CRYBG3: variants seen among roughly 807,000 people sequenced by gnomAD.
The protein encoded by CRYBG3 is crystallin beta-gamma domain containing 3.
CRYBG3 carries 127 observed loss-of-function variants against 244.2 expected under a neutral mutation model. That is an observed-to-expected ratio of 0.52 (90% CI 0.45 to 0.60). The LOEUF (loss-of-function observed/expected upper bound fraction) is 0.60. Among genes scored for constraint, CRYBG3 ranks in the 20% least tolerant of loss-of-function variants. CRYBG3 has a pLI of 0.00. For synonymous variants in CRYBG3, 1,132 were observed against 1,195.8 expected, an observed-to-expected ratio of 0.95 and a Z score of 1.10; for missense variants, 3,325 against 3,442.5, an observed-to-expected ratio of 0.97 and a Z score of 0.85.
At position 97,822,323 on chromosome 3, in the gene CRYBG3, C is replaced by T. The variant is rs1426687906; in HGVS notation, c.117C>T (p.Ser39=). 1.3e-6 allele frequency: 2 copies of T among 1,513,302 alleles called. No individual in the cohort carries two copies. 93.7% of individuals were successfully genotyped at this position (1,513,302 alleles called of 1,614,324 possible). A position where few individuals can be genotyped will look rare whatever the true frequency, so the allele number is the denominator to read the frequency against. The change falls in exon 1 of 22, where the codon AGC becomes AGT. Residue 39 remains serine, a synonymous_variant. Coordinates refer to ENST00000389622, the MANE Select transcript of CRYBG3 (RefSeq NM_153605.4). ...AAGAGGAGGAGAGGCCGGGGACGAG[C>T]CCGCCTCCAGCTCCAGGCCGGTCCG... ...EEEEEERPGT[S]PPPAPGRSAA... is the part of the protein sequence containing the mutation.
Position 97,875,987 on chromosome 3 carries a change from A to G in CRYBG3, c.4793A>G (p.Tyr1598Cys). The G allele has an allele frequency of 8.1e-7, 1 of 1,232,112 alleles. No individual in the cohort carries two copies. Among genetic ancestry groups the G allele is most frequent in the Non-Finnish European group, 1.0e-6 (1 of 987,942 alleles). The allele number at this position is 1,232,112 out of a possible 1,614,324, so 76.3% of individuals were successfully genotyped here. The change falls in exon 4 of 22, where the codon TAC (tyrosine) becomes TGC (cysteine). Residue 1598 changes from tyrosine to cysteine, a missense_variant. Tyr to Cys is a radical substitution (Grantham distance 194). This residue lies in a region of CRYBG3 where 635 missense variants were observed against 771.7 expected (regional missense o/e 0.82). Coordinates refer to ENST00000389622, the MANE Select transcript of CRYBG3 (RefSeq NM_153605.4). ...KANVFKMGEV[Y>C]QMDAESCIEK... ...AATGTTTTTAAAATGGGAGAAGTAT[A>G]CCAAATGGATGCCGAGAGCTGTATT...
intron 2 of CRYBG3, among the ~76,000 whole-genome samples, chr3:97,852,841 T>A (rs1433248699): frequency 6.6e-6 from 1 of 152,184 alleles, no homozygotes; most frequent in Non-Finnish European, 1.5e-5. Context: ...CAGCATTTGT[T>A]ACTTTTTGTC....
chr3:97,893,048 C>CA, intron 11 of CRYBG3, 55 bp downstream of exon 11: 1 of 1,469,082 alleles, frequency 6.8e-7, no homozygotes, highest in Non-Finnish European at 9.2e-7. Flanking sequence ...AAGGTCAGCA[C>CA]AAAAATGTGC....
At position 97,875,238 on chromosome 3, in the gene CRYBG3, T is replaced by C. The variant is rs1299083669; in HGVS notation, c.4044T>C (p.Ser1348=). Residue 1348 remains serine (S), a synonymous_variant, in exon 4 of 22, where the codon AGT becomes AGC. Transcript: ENST00000389622. ...CTTCAAAAATTCTGAACAGTGATAG[T>C]GTTAAGCCACATGATGTAGTTAGAG... is the stretch of plus-strand genomic sequence containing the variant. ...ANTSKILNSD[S]VKPHDVVREF... The C allele has an allele frequency of 6.6e-7, 1 of 1,521,118 alleles. No homozygotes were observed. Among genetic ancestry groups the C allele is most frequent in the East Asian group, 2.4e-5 (1 of 40,832 alleles). The allele number at this position is 1,521,118 out of a possible 1,614,324, so 94.2% of individuals were successfully genotyped here. A position where few individuals can be genotyped will look rare whatever the true frequency, so the allele number is the denominator to read the frequency against.
At position 97,872,856 on chromosome 3, in the gene CRYBG3, A is replaced by G. The variant is rs1246115187; in HGVS notation, c.1662A>G (p.Ser554=). The part of the protein sequence containing the change: ...HVKAPEDKIE[S]LPKDTDQYFE... ...AAGCTCCAGAAGATAAAATTGAGTCATTACCCAAAGATACTGACCAATACT... is the reference window on the plus strand; with the variant it reads ...AAGCTCCAGAAGATAAAATTGAGTCGTTACCCAAAGATACTGACCAATACT... Residue 554 remains serine (S), a synonymous_variant, in exon 4 of 22, where the codon TCA becomes TCG. Transcript: ENST00000389622. 6.5e-7 allele frequency: 1 copy of G among 1,535,962 alleles called. No homozygotes were observed. Among genetic ancestry groups the G allele is most frequent in the Non-Finnish European group, 8.7e-7 (1 of 1,146,794 alleles).
rs1289120543 is a variant in CRYBG3, at chr3:97,864,375, T to A, written c.375T>A (p.Leu125=). 6 of 1,535,950 alleles carry A rather than the reference T, an allele frequency of 3.9e-6. No homozygotes were observed. The Admixed American group carries it at 1.2e-4, about 30-fold the overall frequency. Residue 125 remains leucine (L), a synonymous_variant, in exon 3 of 22, where the codon CTT becomes CTA. Coordinates refer to ENST00000389622, the MANE Select transcript of CRYBG3 (RefSeq NM_153605.4). ...CAAAAGAAAGCTTTTTTCAGTTTCTTGGTAACTTATTCAATATCTCGGGGA... is the reference window on the plus strand; with the variant it reads ...CAAAAGAAAGCTTTTTTCAGTTTCTAGGTAACTTATTCAATATCTCGGGGA... ...RQPKESFFQF[L]GNLFNISGKS... is the part of the protein sequence containing the mutation.
chr3:97,865,627 T>C (rs547816730), intron 3 of CRYBG3, among the ~76,000 whole-genome samples: 5 of 152,204 alleles, frequency 3.3e-5, no homozygotes, highest in Non-Finnish European at 7.3e-5. Context: ...AACAGTGTCA[T>C]ACTGATGTAA....
At chr3:97,942,503 C>T in intron 21 of CRYBG3, 60 bp downstream of exon 21, 1 of 1,436,022 alleles carries the variant, frequency 7.0e-7, no homozygotes, top group Non-Finnish European at 9.4e-7. Flanking sequence ...TTCCAAATCT[C>T]CTCATTTTGG....
Position 97,872,599 on chromosome 3 carries a change from T to G in CRYBG3, c.1405T>G (p.Leu469Val). The part of the protein sequence containing the change: ...NKSIRHEHLQ[L>V]PESECSDKQT... ...ATCAATTAGGCATGAACATCTGCAG[T>G]TGCCAGAGAGTGAGTGTTCTGACAA... Residue 469 changes from leucine to valine, a missense_variant, in exon 4 of 22, where the codon TTG becomes GTG. Physicochemically the swap from Leu to Val is conservative, Grantham distance 32. Coordinates refer to ENST00000389622, the MANE Select transcript of CRYBG3 (RefSeq NM_153605.4). 1 of 1,535,960 alleles carries G rather than the reference T, an allele frequency of 6.5e-7. No homozygotes were observed.
chr3:97,826,357 A>G (rs542606379), intron 1 of CRYBG3, among the ~76,000 whole-genome samples: 14 of 152,354 alleles, frequency 9.2e-5, no homozygotes, highest in Admixed American at 3.9e-4. Flanking sequence ...ACCTGCAGTA[A>G]GTTTATATAA....
rs768686612 is a variant in CRYBG3 at position 97,943,990 on chromosome 3, A to C, written c.*676A>C. On this transcript the variant is annotated 3_prime_UTR_variant, in exon 22 of 22. Transcript: ENST00000389622. The stretch of plus-strand genomic sequence containing the variant: ...CTAAAAAAGTACAAATAAATAACCT[A>C]TGGCCAAACTTGCACTGTTACGTGT... 9 of 151,918 alleles carry C rather than the reference A, an allele frequency of 5.9e-5. 1 individual carries two copies. Among genetic ancestry groups the C allele is most frequent in the African/African-American group, 2.2e-4 (9 of 41,396 alleles). 9.4% of individuals were successfully genotyped at this position (151,918 alleles called of 1,614,324 possible).
chr3:97,933,020 A>G (rs1484778178), intron 17 of CRYBG3: 1 of 406,482 alleles, frequency 2.5e-6, no homozygotes, highest in Non-Finnish European at 4.8e-6. Context: ...TAATTTAACT[A>G]TTTGTTAGTA....
chr3:97,897,240 A>G (rs2039649835), intron 12 of CRYBG3, among the ~76,000 whole-genome samples: 1 of 152,052 alleles, frequency 6.6e-6, no homozygotes, highest in East Asian at 1.9e-4. Flanking sequence ...ATCTCCACCG[A>G]TGTCTCATAT....
At chr3:97,835,487 A>G (rs2038719975) in intron 1 of CRYBG3, among the ~76,000 whole-genome samples, 2 of 152,124 alleles carry the variant, frequency 1.3e-5, no homozygotes, top group African/African-American at 4.8e-5. Context: ...GGGCACAATC[A>G]TGTGGCACAG....
At chr3:97,854,511 A>T (rs2039036810) in intron 2 of CRYBG3, among the ~76,000 whole-genome samples, 1 of 151,532 alleles carries the variant, frequency 6.6e-6, no homozygotes, top group Non-Finnish European at 1.5e-5. Context: ...TGTTTGTGTC[A>T]TTGATGATTT....
rs750469757 is a variant in CRYBG3 at position 97,933,791 on chromosome 3, A to G, written c.8339A>G (p.Asp2780Gly). 1 of 1,612,892 alleles carries G rather than the reference A, an allele frequency of 6.2e-7. No homozygotes were observed. The highest frequency in any genetic ancestry group is 1.7e-5 in the Admixed American group (1 of 59,880). Reference protein sequence around the residue: ...EEAVNSVLNKDLHFYTQSVWV... With the variant: ...EEAVNSVLNKGLHFYTQSVWV... Reference sequence around the variant, plus strand: ...GCTGTGAACTCTGTTCTGAACAAGGACCTACACTTCTACACCCAGTCTGTG... The same window carrying G: ...GCTGTGAACTCTGTTCTGAACAAGGGCCTACACTTCTACACCCAGTCTGTG... The change falls in exon 18 of 22, where the codon GAC becomes GGC. Residue 2780 changes from aspartate (D) to glycine (G), a missense_variant. By Grantham distance (94) the Asp-to-Gly change is moderately conservative. Coordinates refer to ENST00000389622, the MANE Select transcript of CRYBG3 (RefSeq NM_153605.4).
chr3:97,931,725 C>G (rs554667419), intron 17 of CRYBG3, among the ~76,000 whole-genome samples: 2 of 152,162 alleles, frequency 1.3e-5, no homozygotes, highest in South Asian at 4.1e-4. Flanking sequence ...CACATTTTTC[C>G]TCACTTACTG....
chr3:97,829,501 C>T (rs137946555), intron 1 of CRYBG3, among the ~76,000 whole-genome samples: 60 of 152,294 alleles, frequency 3.9e-4, no homozygotes, highest in Non-Finnish European at 6.9e-4. Flanking sequence ...TCTAAGGTCT[C>T]TCTCAGCTTT....
Position 97,899,522 on chromosome 3 carries a change from T to G in CRYBG3, c.7971+259T>G, listed in dbSNP as rs547716909. On this transcript the variant is annotated intron_variant, in intron 14 of 21. Coordinates refer to ENST00000389622, the MANE Select transcript of CRYBG3 (RefSeq NM_153605.4). The stretch of plus-strand genomic sequence containing the variant: ...GTCTCTGATGTGTTGGACACTATGC[T>G]AATCACTGGAGATAAGAATTGAATA... Among the ~76,000 whole-genome samples the G allele has an allele frequency of 3.3e-5, 5 of 152,340 alleles. No individual in the cohort carries two copies. The East Asian group carries it at 5.8e-4, about 18-fold the overall frequency.
Sources: allele counts gnomAD v4.1 joint callset (sites outside exome capture counted in the v4.1 genomes callset), GRCh38; gene constraint gnomAD v4.1.1; regional missense constraint gnomAD v4.1.1; transcripts MANE v1.5; gene names NCBI Gene and HGNC (gene_info 2026-07-23, HGNC 2026-07-21).